The following DCAF1 variants were observed in gnomAD, a reference collection of about 807,000 sequenced individuals.
DCAF1 encodes the protein DDB1 and CUL4 associated factor 1, also known as DDB1- and CUL4-associated factor 1.
In DCAF1, 15 loss-of-function variants were observed where a neutral mutation model predicts 128.0. The ratio of observed to expected loss-of-function variants is 0.12; its 90% confidence interval spans 0.08 to 0.18. The LOEUF (loss-of-function observed/expected upper bound fraction) is 0.18. Ranked by LOEUF, DCAF1 falls within the 10% of genes least tolerant of loss-of-function variation. The probability of loss-of-function intolerance (pLI) is 1.00; values close to 1 mark genes in which losing one functional copy is unlikely to be tolerated. For missense variants in DCAF1, 988 were observed against 1,649.5 expected (o/e 0.60, Z 6.95); for synonymous variants, 610 against 603.0 (o/e 1.01, Z -0.17).
chr3:51,404,870 AG>A (rs2106910084), intron 23 of DCAF1, among the ~76,000 whole-genome samples: 1 of 152,378 alleles, frequency 6.6e-6, no homozygotes, highest in Non-Finnish European at 1.5e-5. Context: ...CCCGCCTCAA[AG>A]GAACTATGAG....
At chr3:51,453,603 GA>G (rs1266627165) in intron 6 of DCAF1, among the ~76,000 whole-genome samples, 1 of 146,390 alleles carries the variant, frequency 6.8e-6, no homozygotes, top group Non-Finnish European at 1.5e-5. Context: ...TGTCTCGAAA[GA>G]AAAAAAAAAG....
chr3:51,409,101 G>A (rs1559475619), intron 23 of DCAF1, among the ~76,000 whole-genome samples: 1 of 152,132 alleles, frequency 6.6e-6, no homozygotes, highest in East Asian at 1.9e-4. Flanking sequence ...CAAAAGTCCT[G>A]ACCACTACCA....
chr3:51,483,908 G>A (rs1382334881), intron 2 of DCAF1, 72 bp from the exon 3 acceptor site: 2 of 1,065,782 alleles, frequency 1.9e-6, no homozygotes, highest in African/African-American at 3.2e-5. Context: ...TGAAGAAGGG[G>A]TAGAAAAGGA....
intron 9 of DCAF1, 122 bp from the exon 10 acceptor site, chr3:51,433,386 A>T (rs1700547229): frequency 5.1e-6 from 2 of 395,544 alleles, no homozygotes; most frequent in Non-Finnish European, 8.9e-6. Flanking sequence ...AACCCCTCAC[A>T]AAAGAAAACC....
At chr3:51,500,812 CT>C (rs3051029), upstream of DCAF1, among the ~76,000 whole-genome samples, 2,485 of 128,638 alleles carry the variant, frequency 0.019, 42 homozygotes, top group African/African-American at 0.063. Context: ...TTTTCTCTGT[CT>C]TTTTTTTTTT....
At chr3:51,461,969 G>A (rs1470842029) in intron 6 of DCAF1, among the ~76,000 whole-genome samples, 2 of 151,780 alleles carry the variant, frequency 1.3e-5, no homozygotes, top group East Asian at 1.9e-4. Context: ...GCTAAATGTC[G>A]AGTTAATGGG....
chr3:51,503,381 C>T (rs938659996), upstream of DCAF1, among the ~76,000 whole-genome samples: 2 of 152,180 alleles, frequency 1.3e-5, no homozygotes, highest in African/African-American at 4.8e-5. Flanking sequence ...CTTCATTCTC[C>T]TCCTTCTCCC....
chr3:51,466,770 T>C lies in DCAF1; in HGVS notation c.261+33A>G, dbSNP rs1308350471. On this transcript the variant is annotated intron_variant, in intron 5 of 24. Transcript: ENST00000684031. ...ATAAAGATACAGCATCTACAGATGA[T>C]AATCGCTGGAGAAAAGTAAGAAGCA... 5 of 1,600,310 alleles carry C rather than the reference T, an allele frequency of 3.1e-6. 1 individual carries two copies. Among genetic ancestry groups the C allele is most frequent in the East Asian group, 4.5e-5 (2 of 44,732 alleles).
intron 3 of DCAF1, among the ~76,000 whole-genome samples, chr3:51,478,808 T>C (rs1016387079): frequency 6.6e-6 from 1 of 152,114 alleles, no homozygotes; most frequent in Admixed American, 6.6e-5. Flanking sequence ...TAATCTCCAA[T>C]GCCTCTACCA....
chr3:51,450,865 G>A (rs1702273251), intron 6 of DCAF1, among the ~76,000 whole-genome samples: 2 of 151,914 alleles, frequency 1.3e-5, no homozygotes, highest in South Asian at 2.1e-4. Flanking sequence ...GGAAATTAAA[G>A]GAATCCAGAT....
At chr3:51,496,920 G>C (rs1339343759) in intron 1 of DCAF1, among the ~76,000 whole-genome samples, 140 bp from the exon 2 acceptor site, 2 of 152,084 alleles carry the variant, frequency 1.3e-5, no homozygotes, top group African/African-American at 4.8e-5. Context: ...GGGATGACAG[G>C]CCTGCAACTT....
Position 51,428,821 on chromosome 3 carries a change from C to A in DCAF1, c.1677+440G>T, listed in dbSNP as rs891019211. 3.3e-5 allele frequency among the ~76,000 whole-genome samples: 5 copies of A among 151,622 alleles called. No individual in the cohort carries two copies. In the South Asian group the frequency reaches 8.4e-4, roughly 25 times the overall value. ...ACCAGCCAGGACAACATAGTGAGAC[C>A]CCCATCTCCACAAAAAAATTTAAAA... On this transcript the variant is annotated intron_variant, in intron 12 of 24. Coordinates refer to ENST00000684031, the MANE Select transcript of DCAF1 (RefSeq NM_001387579.1).
At chr3:51,486,709 C>T (rs2108466416) in intron 2 of DCAF1, among the ~76,000 whole-genome samples, 1 of 152,234 alleles carries the variant, frequency 6.6e-6, no homozygotes, top group East Asian at 1.9e-4. Flanking sequence ...TCTCGGCTCA[C>T]TGCGACCTCC....
Position 51,413,047 on chromosome 3 carries a change from C to A in DCAF1, c.4056G>T (p.Arg1352=). Residue 1352 remains arginine (R), a synonymous_variant, in exon 22 of 25, where the codon CGG becomes CGT. Coordinates refer to ENST00000684031, the MANE Select transcript of DCAF1 (RefSeq NM_001387579.1). ...YKPIATIDVK[R]NIFDLCTDTK... ...TGTCTGTACACAGGTCAAAGATGTT[C>A]CGTTTCACATCAATGGTTGCTGGAA... 6.2e-7 allele frequency: 1 copy of A among 1,613,930 alleles called. No individual in the cohort carries two copies.
At position 51,420,167 on chromosome 3, in the gene DCAF1, G is replaced by GT; in HGVS notation, c.2802_2803insA (p.Pro935ThrfsTer22). On this transcript the variant is annotated frameshift_variant, in exon 15 of 25. Coordinates refer to ENST00000684031, the MANE Select transcript of DCAF1 (RefSeq NM_001387579.1). LOFTEE classifies it high-confidence loss of function. The surrounding 1 kb of genome is among the most constrained non-coding windows in gnomAD (Gnocchi z 6.5). ...GGCAGAGCTAGCGGACCCTGGGGGG[G>GT]CCGTGGCTGAGGATGAGCAGTAGGG... 6.2e-7 allele frequency: 1 copy of GT among 1,614,028 alleles called. No individual in the cohort carries two copies. The highest frequency in any genetic ancestry group is 8.5e-7 in the Non-Finnish European group (1 of 1,179,904).
intron 2 of DCAF1, among the ~76,000 whole-genome samples, chr3:51,490,836 G>T (rs1707548690): frequency 6.6e-6 from 1 of 152,078 alleles, no homozygotes; most frequent in South Asian, 2.1e-4. Flanking sequence ...TGAGGCAAGA[G>T]AACCACTTGA....
intron 3 of DCAF1, among the ~76,000 whole-genome samples, chr3:51,481,099 A>T (rs986602372): frequency 6.6e-6 from 1 of 152,206 alleles, no homozygotes; most frequent in African/African-American, 2.4e-5. Flanking sequence ...CCAATATCAT[A>T]GCTGTGAAAA....
intron 9 of DCAF1, 53 bp downstream of exon 9, chr3:51,440,917 A>G (rs1299244424): frequency 1.3e-6 from 2 of 1,484,836 alleles, no homozygotes. Context: ...AATTTAAAAA[A>G]AAACAAAGTT....
At chr3:51,502,815 C>T (rs1021472437), upstream of DCAF1, among the ~76,000 whole-genome samples, 6 of 152,078 alleles carry the variant, frequency 3.9e-5, no homozygotes, top group Non-Finnish European at 8.8e-5. Flanking sequence ...CCTGCAGACA[C>T]CTTCAAACAC....
Sources: gnomAD v4.1 joint callset for allele counts (sites outside exome capture counted in the v4.1 genomes callset) on GRCh38, gnomAD v4.1.1 for gene constraint, Gnocchi (gnomAD v3.1) non-coding constraint, MANE v1.5 for transcripts, NCBI Gene and HGNC (gene_info 2026-07-23, HGNC 2026-07-21) for gene names.